WRN: variants seen among roughly 807,000 people sequenced by gnomAD.
WRN encodes WRN RecQ like helicase, also known as bifunctional 3'-5' exonuclease/ATP-dependent helicase WRN.
In WRN, 149 loss-of-function variants were observed where a neutral mutation model predicts 180.7. The observed-to-expected ratio is 0.82, with a 90% CI of 0.72 to 0.94. The LOEUF is 0.94. WRN is among the 40% of genes least tolerant of loss of function. WRN has a pLI of 0.00. For synonymous variants in WRN, 548 were observed against 568.9 expected (o/e 0.96, Z 0.52); for missense variants, 1,661 against 1,700.1 (o/e 0.98, Z 0.40).
At chr8:31,048,178 G>C (rs924057748) in intron 1 of WRN, among the ~76,000 whole-genome samples, 2 of 152,070 alleles carry the variant, frequency 1.3e-5, no homozygotes, top group Non-Finnish European at 2.9e-5. Context: ...AAATTACATC[G>C]TCTTACTACA....
At chr8:31,101,681 G>A (rs1454050291) in intron 18 of WRN, among the ~76,000 whole-genome samples, 2 of 151,352 alleles carry the variant, frequency 1.3e-5, no homozygotes, top group South Asian at 2.1e-4. Context: ...CAGCTACTTG[G>A]GAGGCTGAGG....
At chr8:31,162,254 A>C (rs1435817523) in intron 33 of WRN, among the ~76,000 whole-genome samples, 3 of 152,194 alleles carry the variant, frequency 2.0e-5, no homozygotes, top group Non-Finnish European at 4.4e-5. Flanking sequence ...TTCTTCTCTA[A>C]GATTTTTTCT....
intron 17 of WRN, among the ~76,000 whole-genome samples, chr8:31,100,206 A>G (rs1466249895): frequency 6.6e-6 from 1 of 152,170 alleles, no homozygotes; most frequent in Non-Finnish European, 1.5e-5. Context: ...ACAACACACT[A>G]TTGATTCCGT....
intron 1 of WRN, among the ~76,000 whole-genome samples, chr8:31,034,915 G>T (rs1200699944): frequency 6.6e-6 from 1 of 152,190 alleles, no homozygotes; most frequent in Admixed American, 6.5e-5. Flanking sequence ...TTCCAGTCTA[G>T]AGCCCATATA....
intron 23 of WRN, 77 bp from the exon 24 acceptor site, chr8:31,132,288 T>C (rs1385116481): frequency 1.3e-6 from 2 of 1,537,118 alleles, no homozygotes; most frequent in East Asian, 2.3e-5. Context: ...CTTGGCTAAT[T>C]GTTATGCTAA....
At chr8:31,107,001 A>G (rs528733723) in intron 18 of WRN, among the ~76,000 whole-genome samples, 1 of 152,344 alleles carries the variant, frequency 6.6e-6, no homozygotes, top group Non-Finnish European at 1.5e-5. Flanking sequence ...ACCATACAAC[A>G]TCCTGCTAGT....
chr8:31,169,397 A>G (rs1401823646), intron 34 of WRN, among the ~76,000 whole-genome samples: 1 of 151,900 alleles, frequency 6.6e-6, no homozygotes, highest in Non-Finnish European at 1.5e-5. Flanking sequence ...GAAGACTTCT[A>G]TAATTTTTTT....
intron 33 of WRN, among the ~76,000 whole-genome samples, chr8:31,158,455 C>A (rs1803476544): frequency 6.6e-6 from 1 of 151,848 alleles, no homozygotes; most frequent in South Asian, 2.1e-4. Flanking sequence ...GATTTTCTCT[C>A]CTAGATGTGT....
At position 31,138,438 on chromosome 8, in the gene WRN, T is replaced by G. The variant is rs144847955; in HGVS notation, c.2968-2992T>G. 7.9e-4 allele frequency among the ~76,000 whole-genome samples: 120 copies of G among 152,326 alleles called. No individual in the cohort carries two copies. The East Asian group carries it at 0.016, about 21-fold the overall frequency. Reference sequence around the variant, plus strand: ...ATCATCTTATATTGTTAACCATTTTTTTGTTTTTGTGGCAAAAGCAGCTGA... The same window carrying G: ...ATCATCTTATATTGTTAACCATTTTGTTGTTTTTGTGGCAAAAGCAGCTGA... On this transcript the variant is annotated intron_variant, in intron 24 of 34. Coordinates refer to ENST00000298139, the MANE Select transcript of WRN (RefSeq NM_000553.6).
At position 31,081,230 on chromosome 8, in the gene WRN, A is replaced by G. The variant is rs1813298966; in HGVS notation, c.1203A>G (p.Glu401=). 2 of 1,612,906 alleles carry G rather than the reference A, an allele frequency of 1.2e-6. No homozygotes were observed. The highest frequency in any genetic ancestry group is 1.7e-6 in the Non-Finnish European group (2 of 1,179,150). ...TGTCGTTAGATATTACAGAACATGA[A>G]CTCCAAATTTTGGAACAGCAGTCTC... The part of the protein sequence containing the change: ...CLMSLDITEH[E]LQILEQQSQE... The change falls in exon 9 of 35, where the codon GAA becomes GAG. Residue 401 remains glutamate (E), a synonymous_variant. Transcript: ENST00000298139.
intron 1 of WRN, among the ~76,000 whole-genome samples, chr8:31,047,367 A>G (rs998621017): frequency 2.6e-5 from 4 of 152,096 alleles, no homozygotes; most frequent in Non-Finnish European, 4.4e-5. Context: ...GACTCAAGCC[A>G]GCCTCCTGCC....
intron 1 of WRN, among the ~76,000 whole-genome samples, chr8:31,040,304 G>T (rs1367163981): frequency 6.6e-6 from 1 of 152,160 alleles, no homozygotes; most frequent in Non-Finnish European, 1.5e-5. Flanking sequence ...AAGTTAAGAG[G>T]AATGGTCTAG....
At chr8:31,168,611 G>C (rs1803991044) in intron 34 of WRN, among the ~76,000 whole-genome samples, 1 of 149,150 alleles carries the variant, frequency 6.7e-6, no homozygotes, top group Non-Finnish European at 1.5e-5. Flanking sequence ...GGGGAACAAG[G>C]GTGTTGGGGC....
chr8:31,115,656 T>C (rs1801489951), intron 19 of WRN, among the ~76,000 whole-genome samples: 1 of 152,226 alleles, frequency 6.6e-6, no homozygotes, highest in Non-Finnish European at 1.5e-5. Flanking sequence ...TTTTTTATAT[T>C]GTCAGCATAA....
At chr8:31,091,479 T>C (rs1813744685) in intron 15 of WRN, among the ~76,000 whole-genome samples, 1 of 152,080 alleles carries the variant, frequency 6.6e-6, no homozygotes, top group South Asian at 2.1e-4. Flanking sequence ...AATCTTTTCT[T>C]TGAGTTATTT....
intron 6 of WRN, among the ~76,000 whole-genome samples, 169 bp downstream of exon 6, chr8:31,067,351 G>T (rs554971532): frequency 6.6e-6 from 1 of 152,090 alleles, no homozygotes; most frequent in African/African-American, 2.4e-5. Context: ...ATTCATTTTC[G>T]ATATTAATTA....
chr8:31,099,553 T>C (rs945317232), intron 17 of WRN, among the ~76,000 whole-genome samples: 8 of 151,190 alleles, frequency 5.3e-5, no homozygotes, highest in African/African-American at 2.0e-4. Flanking sequence ...TAGGTTTTTT[T>C]TTTGTTTGTT....
chr8:31,045,527 C>T (rs996561489), intron 1 of WRN, among the ~76,000 whole-genome samples: 5 of 151,972 alleles, frequency 3.3e-5, no homozygotes, highest in South Asian at 4.1e-4. Context: ...CTCAGCCTCC[C>T]TAGTAGATGG....
intron 1 of WRN, among the ~76,000 whole-genome samples, chr8:31,042,775 T>C (rs1312695950): frequency 1.3e-5 from 2 of 152,208 alleles, no homozygotes; most frequent in Non-Finnish European, 2.9e-5. Flanking sequence ...TCTAGGAATC[T>C]ATCCTATAGA....
Sources: gnomAD v4.1 joint callset for allele counts (sites outside exome capture counted in the v4.1 genomes callset) on GRCh38, gnomAD v4.1.1 for gene constraint, MANE v1.5 for transcripts, NCBI Gene and HGNC (gene_info 2026-07-23, HGNC 2026-07-21) for gene names.